Variants in ADGRA3 observed in about 807,000 individuals in gnomAD.
ADGRA3 encodes G-protein coupled receptor 125.
ADGRA3 carries 56 observed loss-of-function variants against 119.8 expected under a neutral mutation model. The observed-to-expected ratio is 0.47, with a 90% CI of 0.38 to 0.58. The LOEUF is 0.58. ADGRA3 is among the 20% of genes least tolerant of loss of function. The pLI is 0.00. For missense variants in ADGRA3, 1,516 were observed against 1,649.0 expected (o/e 0.92, Z 1.40); for synonymous variants, 607 against 623.8 (o/e 0.97, Z 0.40).
At chr4:22,395,053 A>G (rs1714293822) in intron 16 of ADGRA3, among the ~76,000 whole-genome samples, 1 of 152,200 alleles carries the variant, frequency 6.6e-6, no homozygotes, top group South Asian at 2.1e-4. Flanking sequence ...TTCCAAATAA[A>G]TCAGAGATGT....
At chr4:22,411,093 G>C (rs1715180445) in intron 14 of ADGRA3, among the ~76,000 whole-genome samples, 1 of 152,184 alleles carries the variant, frequency 6.6e-6, no homozygotes, top group African/African-American at 2.4e-5. Flanking sequence ...AGTTTCACAT[G>C]GTGCAATATC....
intron 2 of ADGRA3, among the ~76,000 whole-genome samples, chr4:22,472,262 A>G (rs1258523606): frequency 6.6e-6 from 1 of 152,132 alleles, no homozygotes; most frequent in African/African-American, 2.4e-5. Flanking sequence ...CATAATAGGA[A>G]TGTACTGTCT....
chr4:22,442,781 C>T lies in ADGRA3; in HGVS notation c.789G>A (p.Gln263=). The change falls in exon 7 of 19, where the codon CAG becomes CAA. Residue 263 remains glutamine, a synonymous_variant. Coordinates refer to ENST00000334304, the MANE Select transcript of ADGRA3 (RefSeq NM_145290.4). ...VVFEGDSLPF[Q]CMASYIDQDM... is the part of the protein sequence containing the mutation. ...CCTGATCAATATATGAAGCCATGCACTGGAAAGGAAGGCTGTCTCCTTCAA... is the reference window on the plus strand; with the variant it reads ...CCTGATCAATATATGAAGCCATGCATTGGAAAGGAAGGCTGTCTCCTTCAA... 1.2e-6 allele frequency: 2 copies of T among 1,612,214 alleles called. No individual in the cohort carries two copies. Among genetic ancestry groups the T allele is most frequent in the Non-Finnish European group, 1.7e-6 (2 of 1,178,436 alleles).
intron 17 of ADGRA3, 134 bp from the exon 18 acceptor site, chr4:22,389,317 T>A (rs1022415782): frequency 1.5e-6 from 1 of 675,588 alleles, no homozygotes; most frequent in Non-Finnish European, 2.6e-6. Flanking sequence ...AAGCTGAGAG[T>A]TAAGTTGGGA....
intron 12 of ADGRA3, among the ~76,000 whole-genome samples, chr4:22,418,079 C>A (rs1715499289): frequency 6.6e-6 from 1 of 152,130 alleles, no homozygotes; most frequent in South Asian, 2.1e-4. Flanking sequence ...AAAACAGATA[C>A]TATTTTGTTA....
rs1719066889 is a variant in ADGRA3 at position 22,502,098 on chromosome 4, CT to C, written c.257+13429del. Among the ~76,000 whole-genome samples the C allele has an allele frequency of 2.6e-5, 4 of 152,312 alleles. No individual in the cohort carries two copies. The South Asian group carries it at 8.3e-4, about 32-fold the overall frequency. ...AAAGCATAGCATCCCCTAGGAGGTACTACCCTTCCTGTATCTATTTTGGCAG... is the reference window on the plus strand; with the variant it reads ...AAAGCATAGCATCCCCTAGGAGGTACACCCTTCCTGTATCTATTTTGGCAG... On this transcript the variant is annotated intron_variant, in intron 1 of 18. Coordinates refer to ENST00000334304, the MANE Select transcript of ADGRA3 (RefSeq NM_145290.4).
chr4:22,416,043 T>C (rs1032724568), intron 12 of ADGRA3, among the ~76,000 whole-genome samples: 2 of 152,214 alleles, frequency 1.3e-5, no homozygotes, highest in African/African-American at 4.8e-5. Context: ...GTATCAATAA[T>C]GTTTAGACTT....
At chr4:22,428,372 A>G (rs1213566808) in intron 10 of ADGRA3, among the ~76,000 whole-genome samples, 4 of 152,146 alleles carry the variant, frequency 2.6e-5, no homozygotes, top group African/African-American at 4.8e-5. Flanking sequence ...CAGAAGACAA[A>G]TATCTTCACA....
chr4:22,428,326 C>T (rs1716023742), intron 10 of ADGRA3, among the ~76,000 whole-genome samples: 1 of 141,538 alleles, frequency 7.1e-6, no homozygotes, highest in African/African-American at 2.6e-5. Flanking sequence ...GTGCTCAGAA[C>T]ATCTCAGTCC....
At chr4:22,410,642 A>G (rs1016002304) in intron 14 of ADGRA3, among the ~76,000 whole-genome samples, 1 of 152,122 alleles carries the variant, frequency 6.6e-6, no homozygotes, top group Non-Finnish European at 1.5e-5. Flanking sequence ...GCTTAATATA[A>G]GGAAAAAAGA....
At chr4:22,434,933 G>C (rs1490157163) in intron 10 of ADGRA3, among the ~76,000 whole-genome samples, 3 of 152,132 alleles carry the variant, frequency 2.0e-5, no homozygotes. Flanking sequence ...TACAAGATCT[G>C]GGTGACTAAA....
chr4:22,427,276 C>T (rs1056881208), intron 10 of ADGRA3, among the ~76,000 whole-genome samples: 1 of 152,078 alleles, frequency 6.6e-6, no homozygotes, highest in South Asian at 2.1e-4. Flanking sequence ...AGCAAAGTTA[C>T]AACTAAACTT....
chr4:22,486,179 T>A (rs551884017), intron 1 of ADGRA3, among the ~76,000 whole-genome samples: 1 of 152,292 alleles, frequency 6.6e-6, no homozygotes, highest in East Asian at 1.9e-4. Context: ...GCAGCCCTGT[T>A]ATGGATCTTT....
At chr4:22,446,715 GA>G in intron 5 of ADGRA3, among the ~76,000 whole-genome samples, 1 of 151,998 alleles carries the variant, frequency 6.6e-6, no homozygotes, top group East Asian at 1.9e-4. Context: ...AATCAGGAGA[GA>G]AAAACTCTTT....
chr4:22,429,252 A>G (rs1486179296), intron 10 of ADGRA3, among the ~76,000 whole-genome samples: 1 of 152,256 alleles, frequency 6.6e-6, no homozygotes, highest in African/African-American at 2.4e-5. Flanking sequence ...ACAAACACGT[A>G]CGTGCACTTC....
intron 4 of ADGRA3, among the ~76,000 whole-genome samples, chr4:22,451,858 C>A (rs925546735): frequency 2.0e-5 from 3 of 152,162 alleles, no homozygotes; most frequent in Non-Finnish European, 4.4e-5. Context: ...GATTCCTAAT[C>A]TAAGAAATGT....
intron 4 of ADGRA3, among the ~76,000 whole-genome samples, chr4:22,452,796 C>T (rs528750485): frequency 6.6e-5 from 10 of 152,288 alleles, no homozygotes; most frequent in Admixed American, 2.0e-4. Context: ...AAATAGTAGG[C>T]TCCACTTTAC....
intron 16 of ADGRA3, among the ~76,000 whole-genome samples, chr4:22,399,418 T>G (rs538158951): frequency 3.1e-4 from 47 of 152,170 alleles, no homozygotes; most frequent in Non-Finnish European, 4.0e-4. Context: ...TTCCTTATCT[T>G]AAGGTCTCCA....
At chr4:22,395,654 A>G (rs944945288) in intron 16 of ADGRA3, among the ~76,000 whole-genome samples, 1 of 152,168 alleles carries the variant, frequency 6.6e-6, no homozygotes, top group African/African-American at 2.4e-5. Flanking sequence ...TAAGTACTAA[A>G]GCAGAGTGAT....
Sources: gnomAD v4.1 joint callset for allele counts (sites outside exome capture counted in the v4.1 genomes callset) on GRCh38, gnomAD v4.1.1 for gene constraint, MANE v1.5 for transcripts, NCBI Gene and HGNC (gene_info 2026-07-23, HGNC 2026-07-21) for gene names.